VDAC1: variants seen among roughly 807,000 people sequenced by gnomAD.
The protein encoded by VDAC1 is voltage dependent anion channel 1.
VDAC1 carries 10 observed loss-of-function variants against 34.7 expected under a neutral mutation model. The observed-to-expected ratio is 0.29, with a 90% CI of 0.18 to 0.49. The LOEUF is 0.49. Among genes scored for constraint, VDAC1 ranks in the 20% least tolerant of loss-of-function variants. VDAC1 has a pLI of 0.99. For missense variants in VDAC1, 230 were observed against 347.9 expected, an observed-to-expected ratio of 0.66 and a Z score of 2.69; for synonymous variants, 130 against 136.0, an observed-to-expected ratio of 0.96 and a Z score of 0.30.
At chr5:134,068,480 A>C in the VDAC1 span, among the ~76,000 whole-genome samples, 1 of 151,458 alleles carries the variant, frequency 6.6e-6, no homozygotes, top group Non-Finnish European at 1.5e-5. Flanking sequence ...TTTAGTTTAG[A>C]ATTTGGGGAA....
At chr5:134,113,122 C>T in the VDAC1 span, among the ~76,000 whole-genome samples, 1 of 152,204 alleles carries the variant, frequency 6.6e-6, no homozygotes, top group Admixed American at 6.5e-5. Flanking sequence ...GCCGAGCCCC[C>T]CCTTCCCCGC....
At chr5:134,032,049 G>T in the VDAC1 span, among the ~76,000 whole-genome samples, 1 of 148,446 alleles carries the variant, frequency 6.7e-6, no homozygotes, top group Non-Finnish European at 1.5e-5. Context: ...CCTGAACCCG[G>T]GAGGTGGAGG....
At chr5:134,006,280 C>T (rs1397125429), upstream of VDAC1, among the ~76,000 whole-genome samples, 1 of 152,186 alleles carries the variant, frequency 6.6e-6, no homozygotes, top group African/African-American at 2.4e-5. Flanking sequence ...CACACTGAGA[C>T]TGGTGGGCAG....
chr5:134,091,476 G>C, the VDAC1 span, among the ~76,000 whole-genome samples: 1 of 152,134 alleles, frequency 6.6e-6, no homozygotes, highest in African/African-American at 2.4e-5. Context: ...GAAGGATGTC[G>C]ATCGATGGGG....
the VDAC1 span, among the ~76,000 whole-genome samples, chr5:134,096,549 C>T: frequency 6.6e-6 from 1 of 152,222 alleles, no homozygotes; most frequent in African/African-American, 2.4e-5. Context: ...TCTGCTCTCA[C>T]ACCCCTGCCT....
At chr5:134,026,820 C>G in the VDAC1 span, among the ~76,000 whole-genome samples, 1 of 152,224 alleles carries the variant, frequency 6.6e-6, no homozygotes, top group Admixed American at 6.5e-5. Context: ...AAGGTAAATT[C>G]TCAAGACAGA....
At chr5:134,057,073 AC>A in the VDAC1 span, among the ~76,000 whole-genome samples, 1,962 of 152,182 alleles carry the variant, frequency 0.013, 55 homozygotes, top group African/African-American at 0.044. Context: ...AGTGGCTCAC[AC>A]CTATAATTCC....
chr5:133,984,369 C>T (rs1319764844), intron 5 of VDAC1, among the ~76,000 whole-genome samples: 2 of 148,440 alleles, frequency 1.3e-5, no homozygotes, highest in African/African-American at 5.0e-5. Context: ...CCAGGTATTT[C>T]TTTAGAGCAA....
chr5:133,976,230 G>A, intron 6 of VDAC1: 1 of 552,438 alleles, frequency 1.8e-6, no homozygotes, highest in South Asian at 2.2e-5. Context: ...ACCTAGCCAG[G>A]CACAGTGGCT....
At chr5:134,062,660 T>C in the VDAC1 span, among the ~76,000 whole-genome samples, 3 of 151,948 alleles carry the variant, frequency 2.0e-5, 1 homozygote, top group African/African-American at 7.2e-5. Flanking sequence ...GGAGTCTTGC[T>C]CTGTTGCCCA....
At chr5:134,096,593 C>T in the VDAC1 span, among the ~76,000 whole-genome samples, 1 of 101,638 alleles carries the variant, frequency 9.8e-6, no homozygotes, top group African/African-American at 4.2e-5. Flanking sequence ...ATTTTCTTTT[C>T]TTTTCTCTTC....
At chr5:134,074,226 G>C in the VDAC1 span, among the ~76,000 whole-genome samples, 2 of 151,808 alleles carry the variant, frequency 1.3e-5, no homozygotes, top group Non-Finnish European at 2.9e-5. Context: ...GCAGGAGAAT[G>C]GCATGAACCC....
the VDAC1 span, among the ~76,000 whole-genome samples, chr5:134,054,273 GC>G: frequency 2.0e-5 from 3 of 152,130 alleles, no homozygotes; most frequent in Non-Finnish European, 4.4e-5. Context: ...GGGCTGCCCT[GC>G]TGGAACTGGA....
chr5:134,028,459 T>C, the VDAC1 span, among the ~76,000 whole-genome samples: 1 of 152,256 alleles, frequency 6.6e-6, no homozygotes, highest in East Asian at 1.9e-4. Context: ...TATTGTGAGT[T>C]TTTTCTTCCA....
chr5:134,013,457 A>G, the VDAC1 span, among the ~76,000 whole-genome samples: 1 of 152,130 alleles, frequency 6.6e-6, no homozygotes, highest in Non-Finnish European at 1.5e-5. Context: ...ACAAACAAAC[A>G]AAATTGACAA....
the VDAC1 span, among the ~76,000 whole-genome samples, chr5:134,084,035 T>C: frequency 6.6e-6 from 1 of 152,214 alleles, no homozygotes; most frequent in Non-Finnish European, 1.5e-5. Context: ...GGGGGCAAAT[T>C]ATGCTATCAG....
the VDAC1 span, among the ~76,000 whole-genome samples, chr5:134,080,078 A>G: frequency 0.76 from 115,180 of 152,194 alleles, 43,873 homozygotes; most frequent in East Asian, 0.88. Flanking sequence ...GCTGCATAGA[A>G]AAACACTGCA....
At chr5:134,073,162 A>G in the VDAC1 span, among the ~76,000 whole-genome samples, 2 of 152,088 alleles carry the variant, frequency 1.3e-5, no homozygotes, top group African/African-American at 2.4e-5. Flanking sequence ...CTGCCTCCCA[A>G]AGGGATGCCA....
At chr5:134,102,854 C>T in the VDAC1 span, among the ~76,000 whole-genome samples, 3 of 152,084 alleles carry the variant, frequency 2.0e-5, no homozygotes, top group African/African-American at 4.8e-5. Context: ...TCAGTTTCCC[C>T]TGGGTGCATG....
Sources: allele counts gnomAD v4.1 joint callset (sites outside exome capture counted in the v4.1 genomes callset), GRCh38; gene constraint gnomAD v4.1.1; transcripts MANE v1.5; gene names NCBI Gene and HGNC (gene_info 2026-07-23, HGNC 2026-07-21).